TUBB1: variants seen among roughly 807,000 people sequenced by gnomAD.
The protein encoded by TUBB1 is tubulin beta 1 class VI.
A neutral mutation model predicts 22.6 loss-of-function variants in TUBB1; 28 were observed. The ratio of observed to expected loss-of-function variants is 1.24; its 90% confidence interval spans 0.92 to 1.70. TUBB1 has a LOEUF of 1.70. Among genes scored for constraint, TUBB1 ranks in the 40% most tolerant of loss-of-function variants. TUBB1 has a pLI of 0.00. For synonymous variants in TUBB1, 226 were observed against 238.0 expected, an observed-to-expected ratio of 0.95 and a Z score of 0.46; for missense variants, 577 against 605.5, an observed-to-expected ratio of 0.95 and a Z score of 0.49.
rs1335546625 is a variant in TUBB1, at chr20:59,025,805, G to A, written c.*1022G>A. ...CTTTTACAGTTCAAATTAATTTGCA[G>A]AAGTTGCCATAAATGTTTGCATAAT... is the stretch of plus-strand genomic sequence containing the variant. On this transcript the variant is annotated 3_prime_UTR_variant, in exon 4 of 4. Transcript: ENST00000217133. The A allele has an allele frequency of 6.6e-6, 1 of 152,238 alleles. No homozygotes were observed. Among genetic ancestry groups the A allele is most frequent in the Non-Finnish European group, 1.5e-5 (1 of 68,038 alleles). 9.4% of individuals were successfully genotyped at this position (152,238 alleles called of 1,614,324 possible). A position where few individuals can be genotyped will look rare whatever the true frequency, so the allele number is the denominator to read the frequency against.
At position 59,024,893 on chromosome 20, in the gene TUBB1, T is replaced by C. The variant is rs1208080703; in HGVS notation, c.*110T>C. On this transcript the variant is annotated 3_prime_UTR_variant, in exon 4 of 4. Coordinates refer to ENST00000217133, the MANE Select transcript of TUBB1 (RefSeq NM_030773.4). This position sits in a 1 kb window ranked among gnomAD's most constrained non-coding sequence, Gnocchi z 4.9. ...CTCTGCACTGCAGCACAGTGAATGA[T>C]ATGCACTCACCATTAGCTTCGACAC... is the stretch of plus-strand genomic sequence containing the variant. 1.0e-6 allele frequency: 1 copy of C among 958,774 alleles called. No homozygotes were observed. The highest frequency in any genetic ancestry group is 1.6e-5 in the African/African-American group (1 of 62,048). 59.4% of individuals were successfully genotyped at this position (958,774 alleles called of 1,614,324 possible).
chr20:59,019,798 G>A (rs576852274), intron 1 of TUBB1, among the ~76,000 whole-genome samples: 2 of 152,248 alleles, frequency 1.3e-5, no homozygotes, highest in East Asian at 3.9e-4. Flanking sequence ...CACACATTAA[G>A]TGCTTAGAGT....
At position 59,024,215 on chromosome 20, in the gene TUBB1, T is replaced by A. The variant is rs2091982194; in HGVS notation, c.788T>A (p.Leu263Gln). ...LAVNMVPFPRLHFFMPGFAPL... is the reference protein window; with the variant it reads ...LAVNMVPFPRQHFFMPGFAPL... ...GTGAACATGGTCCCCTTCCCCCGCC[T>A]GCACTTCTTTATGCCCGGCTTTGCC... Residue 263 changes from leucine to glutamine, a missense_variant, in exon 4 of 4, where the codon CTG becomes CAG. By Grantham distance (113) the Leu-to-Gln change is moderately radical. Transcript: ENST00000217133. This position sits in a 1 kb window ranked among gnomAD's most constrained non-coding sequence, Gnocchi z 4.9. 6 of 1,614,018 alleles carry A rather than the reference T, an allele frequency of 3.7e-6. No individual in the cohort carries two copies. The highest frequency in any genetic ancestry group is 5.1e-6 in the Non-Finnish European group (6 of 1,180,034).
At position 59,024,732 on chromosome 20, in the gene TUBB1, T is replaced by G; in HGVS notation, c.1305T>G (p.Asp435Glu). The change falls in exon 4 of 4, where the codon GAT (aspartate) becomes GAG (glutamate). Residue 435 changes from aspartate (D) to glutamate (E), a missense_variant. By Grantham distance (45) the Asp-to-Glu change is conservative (BLOSUM62 2). Transcript: ENST00000217133. The surrounding 1 kb of genome is among the most constrained non-coding windows in gnomAD (Gnocchi z 4.9). ...FQDAKAVLEE[D>E]EEVTEEAEME... ...ATGCCAAAGCAGTTCTAGAGGAAGA[T>G]GAAGAGGTCACGGAGGAGGCAGAAA... is the stretch of plus-strand genomic sequence containing the variant. 1 of 1,614,022 alleles carries G rather than the reference T, an allele frequency of 6.2e-7. No homozygotes were observed. The highest frequency in any genetic ancestry group is 8.5e-7 in the Non-Finnish European group (1 of 1,180,016).
intron 1 of TUBB1, among the ~76,000 whole-genome samples, chr20:59,021,788 A>G (rs1327222536): frequency 6.6e-6 from 1 of 152,232 alleles, no homozygotes; most frequent in Non-Finnish European, 1.5e-5. Flanking sequence ...TGAGGTCAGG[A>G]GTTTGAGACC....
At chr20:59,018,812 T>A (rs1479267814), upstream of TUBB1, among the ~76,000 whole-genome samples, 1 of 152,186 alleles carries the variant, frequency 6.6e-6, no homozygotes, top group Non-Finnish European at 1.5e-5. Flanking sequence ...TGAGCTGAGA[T>A]GGGACGACAG....
chr20:59,023,369 A>C, intron 2 of TUBB1, 121 bp from the exon 3 acceptor site: 1 of 867,332 alleles, frequency 1.2e-6, no homozygotes, highest in Non-Finnish European at 1.9e-6. Context: ...TCGACCTACC[A>C]AGGGCCCCTT....
Position 59,026,028 on chromosome 20 carries a change from A to T in TUBB1, c.*1245A>T, listed in dbSNP as rs536647767. 5 of 152,338 alleles carry T rather than the reference A, an allele frequency of 3.3e-5. No homozygotes were observed. The East Asian group carries it at 7.7e-4, about 23-fold the overall frequency. The allele number at this position is 152,338 out of a possible 1,614,324, so 9.4% of individuals were successfully genotyped here. A position where few individuals can be genotyped will look rare whatever the true frequency, so the allele number is the denominator to read the frequency against. On this transcript the variant is annotated 3_prime_UTR_variant, in exon 4 of 4. Coordinates refer to ENST00000217133, the MANE Select transcript of TUBB1 (RefSeq NM_030773.4). ...ACCACTGAGATACACTATTTGATCC[A>T]TGGATAACCGGTAATGGGAAAATGC... is the stretch of plus-strand genomic sequence containing the variant.
rs1426850602 is a variant in TUBB1 at position 59,025,074 on chromosome 20, C to T, written c.*291C>T. ...TGCTCCCTTTGTTTCAAAGTGTTTGCCAGGCATCCAGACTACACGTGTGGA... is the reference window on the plus strand; with the variant it reads ...TGCTCCCTTTGTTTCAAAGTGTTTGTCAGGCATCCAGACTACACGTGTGGA... On this transcript the variant is annotated 3_prime_UTR_variant, in exon 4 of 4. Transcript: ENST00000217133. The T allele has an allele frequency of 2.3e-6, 1 of 439,218 alleles. No homozygotes were observed. The highest frequency in any genetic ancestry group is 4.2e-6 in the Non-Finnish European group (1 of 235,892). The allele number at this position is 439,218 out of a possible 1,614,324, so 27.2% of individuals were successfully genotyped here.
At position 59,023,793 on chromosome 20, in the gene TUBB1, C is replaced by T. The variant is rs34793043; in HGVS notation, c.366C>T (p.His122=). 4.4e-3 allele frequency: 7,029 copies of T among 1,614,134 alleles called. 32 individuals are homozygous for T. Among genetic ancestry groups the T allele is most frequent in the South Asian group, 5.9e-3 (533 of 91,080 alleles). Residue 122 remains histidine (H), a synonymous_variant, in exon 4 of 4, where the codon CAC becomes CAT. Coordinates refer to ENST00000217133, the MANE Select transcript of TUBB1 (RefSeq NM_030773.4). ...LIENVLEVVR[H]ESESCDCLQG... ...AGAATGTCCTAGAGGTGGTGAGGCA[C>T]GAGAGTGAGAGCTGTGACTGCCTGC...
intron 1 of TUBB1, 82 bp downstream of exon 1, chr20:59,019,661 G>A: frequency 7.2e-7 from 1 of 1,385,680 alleles, no homozygotes; most frequent in South Asian, 1.2e-5. Flanking sequence ...AAGTTAGCAG[G>A]GAAGACAATA....
At position 59,024,624 on chromosome 20, in the gene TUBB1, C is replaced by T; in HGVS notation, c.1197C>T (p.Thr399=). The change falls in exon 4 of 4, where the codon ACC becomes ACT. Residue 399 remains threonine, a synonymous_variant. Transcript: ENST00000217133. This position sits in a 1 kb window ranked among gnomAD's most constrained non-coding sequence, Gnocchi z 4.9. The stretch of plus-strand genomic sequence containing the variant: ...GGAAAGCTTTTGTGCACTGGTACAC[C>T]AGCGAAGGGATGGACATAAACGAAT... ...FKRKAFVHWY[T]SEGMDINEFG... 6.2e-7 allele frequency: 1 copy of T among 1,614,132 alleles called. No individual in the cohort carries two copies. Among genetic ancestry groups the T allele is most frequent in the Non-Finnish European group, 8.5e-7 (1 of 1,180,032 alleles).
At chr20:59,019,648 C>G in intron 1 of TUBB1, 69 bp downstream of exon 1, 1 of 1,472,900 alleles carries the variant, frequency 6.8e-7, no homozygotes, top group South Asian at 1.1e-5. Flanking sequence ...AAAAAAATAC[C>G]CTAAGTTAGC....
At chr20:59,018,704 C>T (rs974242248), upstream of TUBB1, among the ~76,000 whole-genome samples, 3 of 152,182 alleles carry the variant, frequency 2.0e-5, no homozygotes, top group African/African-American at 4.8e-5. Context: ...CCACCACACC[C>T]GGCTCTAAGG....
chr20:59,024,272 G>C lies in TUBB1; in HGVS notation c.845G>C (p.Arg282Pro), dbSNP rs746127844. 2 of 1,613,852 alleles carry C rather than the reference G, an allele frequency of 1.2e-6. No individual in the cohort carries two copies. The highest frequency in any genetic ancestry group is 2.7e-5 in the African/African-American group (2 of 74,924). ...ACGGCCCAGGGCAGCCAGCAGTACC[G>C]AGCCCTCTCCGTGGCCGAGCTCACC... ...PLTAQGSQQY[R>P]ALSVAELTQQ... Residue 282 changes from arginine (R) to proline (P), a missense_variant, in exon 4 of 4, where the codon CGA (arginine) becomes CCA (proline). Coordinates refer to ENST00000217133, the MANE Select transcript of TUBB1 (RefSeq NM_030773.4). This position sits in a 1 kb window ranked among gnomAD's most constrained non-coding sequence, Gnocchi z 4.9.
chr20:59,024,434 G>C lies in TUBB1; in HGVS notation c.1007G>C (p.Arg336Thr), dbSNP rs2091984232. 6.2e-7 allele frequency: 1 copy of C among 1,614,220 alleles called. No individual in the cohort carries two copies. The highest frequency in any genetic ancestry group is 8.5e-7 in the Non-Finnish European group (1 of 1,180,036). ...CAGCAACTGCTCTCCGTGCAGACCA[G>C]GAACAGCAGCTGCTTTGTGGAGTGG... The part of the protein sequence containing the change: ...VDQQLLSVQT[R>T]NSSCFVEWIP... The change falls in exon 4 of 4, where the codon AGG becomes ACG. Residue 336 changes from arginine (R) to threonine (T), a missense_variant. By Grantham distance (71) the Arg-to-Thr change is moderately conservative (BLOSUM62 -1). Coordinates refer to ENST00000217133, the MANE Select transcript of TUBB1 (RefSeq NM_030773.4). This position sits in a 1 kb window ranked among gnomAD's most constrained non-coding sequence, Gnocchi z 4.9.
chr20:59,019,570 C>T lies in TUBB1; in HGVS notation c.48C>T (p.Ile16=), dbSNP rs966693039. The change falls in exon 1 of 4, where the codon ATC becomes ATT. Residue 16 remains isoleucine, a synonymous_variant. Transcript: ENST00000217133. ...AGATTGGCCAGTGTGGCAACCAGATCGGAGCCAAGGTAAGTAATGTCTGGT... is the reference window on the plus strand; with the variant it reads ...AGATTGGCCAGTGTGGCAACCAGATTGGAGCCAAGGTAAGTAATGTCTGGT... ...HIQIGQCGNQ[I]GAKFWEMIGE... The T allele has an allele frequency of 1.9e-5, 31 of 1,614,054 alleles. No homozygotes were observed. The highest frequency in any genetic ancestry group is 1.0e-4 in the Admixed American group (6 of 60,004).
intron 1 of TUBB1, among the ~76,000 whole-genome samples, chr20:59,022,432 G>A (rs1257931236): frequency 6.6e-6 from 1 of 151,792 alleles, no homozygotes; most frequent in Non-Finnish European, 1.5e-5. Flanking sequence ...AGTTATTACT[G>A]TGAAATCAGA....
At chr20:59,022,567 T>C (rs1258407194) in intron 1 of TUBB1, among the ~76,000 whole-genome samples, 1 of 152,218 alleles carries the variant, frequency 6.6e-6, no homozygotes, top group Non-Finnish European at 1.5e-5. Context: ...TATAATGGCA[T>C]GAATTTAATA....
Sources: allele counts gnomAD v4.1 joint callset (sites outside exome capture counted in the v4.1 genomes callset), GRCh38; gene constraint gnomAD v4.1.1; non-coding constraint Gnocchi (gnomAD v3.1); transcripts MANE v1.5; gene names NCBI Gene and HGNC (gene_info 2026-07-23, HGNC 2026-07-21).